Variants in SEMA3C observed in about 807,000 individuals in gnomAD.
SEMA3C encodes semaphorin-3C.
SEMA3C carries 47 observed loss-of-function variants against 89.4 expected under a neutral mutation model. The ratio of observed to expected loss-of-function variants is 0.53; its 90% CI spans 0.42 to 0.67. SEMA3C has a LOEUF of 0.67. Among genes scored for constraint, SEMA3C ranks in the 30% least tolerant of loss-of-function variants. The pLI is 0.00. For synonymous variants in SEMA3C, 310 were observed against 320.2 expected, an observed-to-expected ratio of 0.97 and a Z score of 0.34; for missense variants, 839 against 929.1, an observed-to-expected ratio of 0.90 and a Z score of 1.26.
intron 2 of SEMA3C, among the ~76,000 whole-genome samples, chr7:80,839,807 T>C (rs1790221182): frequency 6.6e-6 from 1 of 151,956 alleles, no homozygotes; most frequent in African/African-American, 2.4e-5. Context: ...ACCGAGAATC[T>C]AATAGACGCC....
intron 2 of SEMA3C, among the ~76,000 whole-genome samples, chr7:80,876,492 C>T (rs1413640654): frequency 6.6e-6 from 1 of 152,172 alleles, no homozygotes; most frequent in African/African-American, 2.4e-5. Flanking sequence ...GCTAACTTCT[C>T]TGTGCCTCAT....
chr7:80,790,367 GAGAAGAAGAAGAA>G (rs1788908482), intron 11 of SEMA3C, among the ~76,000 whole-genome samples: 1 of 151,848 alleles, frequency 6.6e-6, no homozygotes, highest in Non-Finnish European at 1.5e-5. Flanking sequence ...GAGAGAAGAA[GAGAAGAAGAAGAA>G]GGAAGAAGAC....
chr7:80,864,240 G>A (rs373435946), intron 2 of SEMA3C, among the ~76,000 whole-genome samples: 11 of 151,874 alleles, frequency 7.2e-5, no homozygotes, highest in African/African-American at 2.2e-4. Flanking sequence ...TGGGGACTTG[G>A]GGGGAAGAGT....
chr7:80,905,014 C>G (rs1334384395), intron 2 of SEMA3C, among the ~76,000 whole-genome samples: 1 of 150,588 alleles, frequency 6.6e-6, no homozygotes, highest in African/African-American at 2.4e-5. Context: ...AATAGGGTGG[C>G]AAACTGCTGA....
At chr7:80,821,545 G>A (rs1329094057) in intron 4 of SEMA3C, among the ~76,000 whole-genome samples, 2 of 152,160 alleles carry the variant, frequency 1.3e-5, no homozygotes, top group African/African-American at 2.4e-5. Flanking sequence ...TCAGCCTCCC[G>A]AGTAGCTGGG....
chr7:80,899,939 C>T (rs1489329855), intron 2 of SEMA3C, among the ~76,000 whole-genome samples: 2 of 152,068 alleles, frequency 1.3e-5, no homozygotes, highest in Non-Finnish European at 2.9e-5. Context: ...TTCTAGTTAT[C>T]TTTTAAAATC....
At chr7:80,919,525 T>C (rs1380722669), upstream of SEMA3C, among the ~76,000 whole-genome samples, 1 of 151,896 alleles carries the variant, frequency 6.6e-6, no homozygotes, top group Non-Finnish European at 1.5e-5. Context: ...GATGCGTTTT[T>C]AAAAGGACGT....
intron 2 of SEMA3C, among the ~76,000 whole-genome samples, chr7:80,855,457 G>A (rs1250142779): frequency 6.6e-6 from 1 of 151,998 alleles, no homozygotes; most frequent in South Asian, 2.1e-4. Context: ...TTTTCATAGA[G>A]ACAGGTCTCG....
At chr7:80,779,342 T>TA (rs1052082457) in intron 12 of SEMA3C, among the ~76,000 whole-genome samples, 25 of 151,892 alleles carry the variant, frequency 1.6e-4, no homozygotes, top group South Asian at 8.3e-4. Context: ...CCATTTATTT[T>TA]AAAAAAAAGG....
intron 2 of SEMA3C, among the ~76,000 whole-genome samples, chr7:80,851,974 G>T (rs149415283): frequency 3.9e-5 from 6 of 152,072 alleles, no homozygotes; most frequent in Non-Finnish European, 5.9e-5. Flanking sequence ...CATGAAAAAC[G>T]TTTGTTTTGG....
intron 2 of SEMA3C, among the ~76,000 whole-genome samples, chr7:80,840,194 C>A (rs900049474): frequency 3.3e-5 from 5 of 151,976 alleles, no homozygotes; most frequent in African/African-American, 1.2e-4. Context: ...CAGAAATATT[C>A]TTTGAGACAT....
chr7:80,906,653 G>A (rs553621066), intron 2 of SEMA3C, among the ~76,000 whole-genome samples: 19 of 152,286 alleles, frequency 1.2e-4, no homozygotes, highest in East Asian at 3.9e-4. Flanking sequence ...ATAATTATGC[G>A]TATTAAAAGT....
intron 15 of SEMA3C, among the ~76,000 whole-genome samples, chr7:80,757,166 T>TA (rs1005958943): frequency 1.2e-4 from 18 of 152,198 alleles, no homozygotes; most frequent in African/African-American, 4.3e-4. Context: ...ATAAAAACCA[T>TA]AAAGCACCAT....
chr7:80,876,355 C>A (rs978498172), intron 2 of SEMA3C, among the ~76,000 whole-genome samples: 3 of 152,012 alleles, frequency 2.0e-5, no homozygotes, highest in African/African-American at 7.3e-5. Context: ...TCTATACAGG[C>A]AGGTTGAGTG....
chr7:80,866,560 T>C (rs1790931406), intron 2 of SEMA3C, among the ~76,000 whole-genome samples: 1 of 152,180 alleles, frequency 6.6e-6, no homozygotes, highest in South Asian at 2.1e-4. Context: ...ATGAAATCTG[T>C]AATGACGGCT....
chr7:80,782,111 A>T (rs962545609), intron 12 of SEMA3C, among the ~76,000 whole-genome samples: 3 of 152,230 alleles, frequency 2.0e-5, no homozygotes, highest in Non-Finnish European at 4.4e-5. Context: ...GTGATACATC[A>T]AAAATGAAGG....
At chr7:80,812,582 T>C (rs989913961) in intron 5 of SEMA3C, among the ~76,000 whole-genome samples, 2 of 152,172 alleles carry the variant, frequency 1.3e-5, no homozygotes, top group African/African-American at 2.4e-5. Flanking sequence ...AGGTACCATT[T>C]GCTCTCAACT....
chr7:80,854,252 T>G (rs1369821630), intron 2 of SEMA3C, among the ~76,000 whole-genome samples: 1 of 152,212 alleles, frequency 6.6e-6, no homozygotes, highest in East Asian at 1.9e-4. Context: ...GATCTCCATT[T>G]GTTCTTCTTT....
upstream of SEMA3C, chr7:80,919,068 G>A: frequency 1.0e-6 from 1 of 985,292 alleles, no homozygotes. Flanking sequence ...AAAGTGGCCG[G>A]AGGCCGGGGG....
Sources: gnomAD v4.1 joint callset for allele counts (sites outside exome capture counted in the v4.1 genomes callset) on GRCh38, gnomAD v4.1.1 for gene constraint, MANE v1.5 for transcripts, NCBI Gene and HGNC (gene_info 2026-07-23, HGNC 2026-07-21) for gene names.